The following PRDX4 variants were observed in gnomAD, a reference collection of about 807,000 sequenced individuals.
The protein encoded by PRDX4 is peroxiredoxin 4.
In PRDX4, 12 loss-of-function variants were observed where a neutral mutation model predicts 20.5. That is an observed-to-expected ratio of 0.58 (90% confidence interval 0.37 to 0.95). The LOEUF (loss-of-function observed/expected upper bound fraction) is 0.95, where lower values mean the gene tolerates loss of function less well. Among genes scored for constraint, PRDX4 ranks in the 40% least tolerant of loss-of-function variants. The probability of loss-of-function intolerance (pLI) is 0.01; values close to 1 mark genes in which losing one functional copy is unlikely to be tolerated. For synonymous variants in PRDX4, 99 were observed against 87.5 expected (o/e 1.13, Z -0.73); for missense variants, 180 against 207.3 (o/e 0.87, Z 0.81).
chrX:23,671,832 T>G (rs1027047075), intron 2 of PRDX4, among the ~76,000 whole-genome samples, 186 bp downstream of exon 2: 1 of 112,292 alleles, frequency 8.9e-6, no homozygotes, highest in African/African-American at 3.2e-5. Flanking sequence ...TCAATACTTA[T>G]GTCTACATGA....
At chrX:23,670,778 G>C (rs1266706789) in intron 1 of PRDX4, among the ~76,000 whole-genome samples, 3 of 111,936 alleles carry the variant, frequency 2.7e-5, no homozygotes, top group African/African-American at 9.7e-5. Context: ...TGATCCCATG[G>C]TCTGGGATTT....
intron 2 of PRDX4, among the ~76,000 whole-genome samples, chrX:23,672,058 C>T (rs1200141699): frequency 5.4e-5 from 6 of 111,702 alleles, no homozygotes; most frequent in African/African-American, 1.3e-4. Flanking sequence ...GTCAAGAGAT[C>T]GAGACCATCC....
chrX:23,679,416 A>G (rs921362115), intron 4 of PRDX4, 129 bp downstream of exon 4: 11 of 780,157 alleles, frequency 1.4e-5, no homozygotes, highest in South Asian at 3.1e-5. Context: ...CAGGCACGGT[A>G]GCTCAAGCCT....
chrX:23,686,047 TGTAA>T (rs759127661), intron 6 of PRDX4: 6 of 452,533 alleles, frequency 1.3e-5, no homozygotes, highest in South Asian at 1.1e-4. Context: ...AAGAGAGAGC[TGTAA>T]GTAAGTTTTG....
intron 1 of PRDX4, 80 bp from the exon 2 acceptor site, chrX:23,671,449 A>T: frequency 1.3e-6 from 1 of 766,069 alleles, no homozygotes; most frequent in South Asian, 2.4e-5. Context: ...CCTGATTTTT[A>T]GTGATTTTCT....
At chrX:23,680,013 ACTTTGTT>A (rs1340595811) in intron 4 of PRDX4, among the ~76,000 whole-genome samples, 1 of 112,379 alleles carries the variant, frequency 8.9e-6, no homozygotes, top group East Asian at 2.8e-4. Flanking sequence ...GAAAAATGTT[ACTTTGTT>A]CTATTAGTCT....
At chrX:23,684,140 C>T (rs1928141258) in intron 6 of PRDX4, among the ~76,000 whole-genome samples, 1 of 109,030 alleles carries the variant, frequency 9.2e-6, no homozygotes, top group South Asian at 3.9e-4. Flanking sequence ...CATTGCTAAG[C>T]AGAAATCAGA....
intron 6 of PRDX4, among the ~76,000 whole-genome samples, chrX:23,684,274 A>T (rs1281989380): frequency 1.8e-5 from 2 of 109,876 alleles, no homozygotes; most frequent in African/African-American, 6.6e-5. Context: ...AAAAAAAAGT[A>T]GGGCAGAGTG....
At chrX:23,685,955 C>A in intron 6 of PRDX4, 1 of 294,426 alleles carries the variant, frequency 3.4e-6, no homozygotes, top group Non-Finnish European at 6.5e-6. Flanking sequence ...TTTAAAAGTA[C>A]ATTAACATCT....
intron 2 of PRDX4, among the ~76,000 whole-genome samples, 191 bp downstream of exon 2, chrX:23,671,837 A>G (rs955625547): frequency 8.9e-6 from 1 of 112,470 alleles, no homozygotes; most frequent in Non-Finnish European, 1.9e-5. Context: ...ACTTATGTCT[A>G]CATGATTATG....
At chrX:23,683,343 A>C (rs1721300440) in intron 5 of PRDX4, among the ~76,000 whole-genome samples, 1 of 111,829 alleles carries the variant, frequency 8.9e-6, no homozygotes, top group African/African-American at 3.2e-5. Context: ...ATTTGGAGGA[A>C]TTTTTGCCAT....
chrX:23,683,675 C>T lies in PRDX4; in HGVS notation c.735C>T (p.Cys245=). 1.7e-6 allele frequency: 2 copies of T among 1,206,044 alleles called. No individual in the cohort carries two copies. Among genetic ancestry groups the T allele is most frequent in the Non-Finnish European group, 2.2e-6 (2 of 892,673 alleles). Residue 245 remains cysteine, a synonymous_variant, in exon 6 of 7, where the codon TGC becomes TGT. Transcript: ENST00000379341. The stretch of plus-strand genomic sequence containing the variant: ...GCCTCTTTTTGTTTCTTTTAGTCTG[C>T]CCTGCTGGCTGGAAACCTGGTAGTG... ...FQYTDKHGEV[C]PAGWKPGSET...
At chrX:23,670,924 C>T (rs138112405) in intron 1 of PRDX4, among the ~76,000 whole-genome samples, 1,852 of 111,930 alleles carry the variant, frequency 0.017, 37 homozygotes, top group African/African-American at 0.057. Flanking sequence ...AAAGGAAAAT[C>T]TAATTATTTG....
chrX:23,675,274 A>C lies in PRDX4; in HGVS notation c.476+168A>C, dbSNP rs1927925053. The C allele has an allele frequency of 4.1e-6, 4 of 966,244 alleles. No homozygotes were observed. The South Asian group carries it at 1.1e-4, about 28-fold the overall frequency. The allele number at this position is 966,244 out of a possible 1,213,427, so 79.6% of individuals were successfully genotyped here. A position where few individuals can be genotyped will look rare whatever the true frequency, so the allele number is the denominator to read the frequency against. Reference sequence around the variant, plus strand: ...AACTACACATTTTCCAGGTTAAAAAAAGAGAGAAGAGTAATATAATCAGCT... The same window carrying C: ...AACTACACATTTTCCAGGTTAAAAACAGAGAGAAGAGTAATATAATCAGCT... On this transcript the variant is annotated intron_variant, in intron 3 of 6. Transcript: ENST00000379341.
chrX:23,675,070 C>T lies in PRDX4; in HGVS notation c.440C>T (p.Ala147Val), dbSNP rs1927920305. ...EFRSINTEVV[A>V]CSVDSQFTHL... ...AGATCTATAAATACTGAAGTGGTAG[C>T]ATGCTCTGTTGATTCACAGTTTACC... The change falls in exon 3 of 7, where the codon GCA becomes GTA. Residue 147 changes from alanine to valine, a missense_variant. Coordinates refer to ENST00000379341, the MANE Select transcript of PRDX4 (RefSeq NM_006406.2). The T allele has an allele frequency of 8.3e-7, 1 of 1,210,975 alleles. No homozygotes were observed. Among genetic ancestry groups the T allele is most frequent in the Non-Finnish European group, 1.1e-6 (1 of 895,309 alleles).
At chrX:23,672,369 T>G (rs759295362) in intron 2 of PRDX4, among the ~76,000 whole-genome samples, 1 of 112,401 alleles carries the variant, frequency 8.9e-6, no homozygotes, top group Admixed American at 9.4e-5. Context: ...ATTTGAACAT[T>G]TTGCTGAAAA....
intron 1 of PRDX4, 69 bp from the exon 2 acceptor site, chrX:23,671,459 TA>T: frequency 1.2e-6 from 1 of 848,789 alleles, no homozygotes; most frequent in Non-Finnish European, 1.7e-6. Flanking sequence ...AGTGATTTTC[TA>T]AAGATGTCCT....
chrX:23,679,410 C>A, intron 4 of PRDX4, 123 bp downstream of exon 4: 1 of 807,654 alleles, frequency 1.2e-6, no homozygotes, highest in Non-Finnish European at 1.7e-6. Flanking sequence ...TGAGGCCAGG[C>A]ACGGTAGCTC....
intron 1 of PRDX4, 68 bp downstream of exon 1, chrX:23,667,879 C>G: frequency 8.5e-7 from 1 of 1,177,714 alleles, no homozygotes; most frequent in Non-Finnish European, 1.1e-6. Flanking sequence ...GTTACACCCC[C>G]GGAATCTGGG....
Sources: allele counts gnomAD v4.1 joint callset (sites outside exome capture counted in the v4.1 genomes callset), GRCh38; gene constraint gnomAD v4.1.1; transcripts MANE v1.5; gene names NCBI Gene and HGNC (gene_info 2026-07-23, HGNC 2026-07-21).